PCLAF: variants seen among roughly 807,000 people sequenced by gnomAD.
PCLAF encodes the protein PCNA-associated factor.
A neutral mutation model predicts 15.1 loss-of-function variants in PCLAF; 12 were observed. That is an observed-to-expected ratio of 0.79 (90% confidence interval 0.51 to 1.29). The LOEUF (loss-of-function observed/expected upper bound fraction) is 1.29, where lower values mean the gene tolerates loss of function less well. PCLAF is among the 50% of genes most tolerant of loss of function. The pLI is 0.00. For missense variants in PCLAF, 116 were observed against 130.9 expected (o/e 0.89, Z 0.56); for synonymous variants, 33 against 47.1 (o/e 0.70, Z 1.22).
chr15:64,381,410 C>A lies in PCLAF; in HGVS notation c.-39G>T, dbSNP rs1194970834. On this transcript the variant is annotated 5_prime_UTR_variant, in exon 1 of 4. Coordinates refer to ENST00000300035, the MANE Select transcript of PCLAF (RefSeq NM_014736.6). ...GAGAGGAGAGGAGAGAACGAACTGA[C>A]TTCCCAGCCGAGGGTGTTTCACTGG... 1.9e-6 allele frequency: 3 copies of A among 1,614,098 alleles called. No homozygotes were observed. Among genetic ancestry groups the A allele is most frequent in the Admixed American group, 1.7e-5 (1 of 60,016 alleles).
At chr15:64,377,868 C>T (rs1181491920) in intron 2 of PCLAF, among the ~76,000 whole-genome samples, 1 of 147,612 alleles carries the variant, frequency 6.8e-6, no homozygotes, top group East Asian at 2.1e-4. Context: ...TCTCCTGCCT[C>T]AGCCTCCCGA....
chr15:64,375,124 A>T (rs1238621578), intron 3 of PCLAF, among the ~76,000 whole-genome samples: 2 of 151,510 alleles, frequency 1.3e-5, no homozygotes, highest in African/African-American at 2.4e-5. Context: ...TTTTATTTTT[A>T]TTTTACTTGA....
chr15:64,366,949 G>A (rs575106451), intron 3 of PCLAF, among the ~76,000 whole-genome samples: 30 of 151,822 alleles, frequency 2.0e-4, no homozygotes, highest in African/African-American at 3.9e-4. Context: ...CTCCAGCCTC[G>A]GGGACAGAGA....
At chr15:64,382,269 G>A (rs1899841881), upstream of PCLAF, among the ~76,000 whole-genome samples, 1 of 151,988 alleles carries the variant, frequency 6.6e-6, no homozygotes, top group Admixed American at 6.6e-5. Context: ...GCATGTTCCT[G>A]TAATCCCAAC....
upstream of PCLAF, among the ~76,000 whole-genome samples, chr15:64,386,082 C>G (rs1354483422): frequency 6.6e-6 from 1 of 152,102 alleles, no homozygotes; most frequent in Non-Finnish European, 1.5e-5. Context: ...TTGGTTCTGT[C>G]TCTGGAGAAC....
upstream of PCLAF, among the ~76,000 whole-genome samples, chr15:64,385,214 C>T (rs12442852): frequency 0.74 from 112,449 of 152,032 alleles, 45,239 homozygotes; most frequent in East Asian, 0.95. Flanking sequence ...GGAGGACGTA[C>T]TTATCATAAC....
intron 3 of PCLAF, among the ~76,000 whole-genome samples, chr15:64,376,292 C>CT (rs1306095021): frequency 4.6e-5 from 7 of 152,026 alleles, no homozygotes; most frequent in African/African-American, 1.4e-4. Flanking sequence ...TTTTTAAAAA[C>CT]TTTTTTTGCA....
chr15:64,380,849 G>A, intron 2 of PCLAF, 109 bp downstream of exon 2: 2 of 893,852 alleles, frequency 2.2e-6, no homozygotes. Flanking sequence ...ATATCACAGG[G>A]CAAGGAAGAA....
chr15:64,367,512 C>A (rs1361945126), intron 3 of PCLAF, among the ~76,000 whole-genome samples: 4 of 19,052 alleles, frequency 2.1e-4, no homozygotes, highest in African/African-American at 2.8e-4. Context: ...TCAAAAAAAC[C>A]CAAAAAAAAA....
At chr15:64,369,821 T>A (rs907718877) in intron 3 of PCLAF, among the ~76,000 whole-genome samples, 8 of 152,212 alleles carry the variant, frequency 5.3e-5, no homozygotes, top group African/African-American at 1.9e-4. Flanking sequence ...TTGTGTTCAA[T>A]GAAAATCCAT....
At chr15:64,374,795 A>T (rs1899531829) in intron 3 of PCLAF, among the ~76,000 whole-genome samples, 2 of 151,272 alleles carry the variant, frequency 1.3e-5, no homozygotes, top group Non-Finnish European at 2.9e-5. Context: ...GAAGTGAGCG[A>T]ACATTGGGCC....
chr15:64,377,617 C>T (rs1231348822), intron 2 of PCLAF, among the ~76,000 whole-genome samples: 1 of 139,386 alleles, frequency 7.2e-6, no homozygotes, highest in African/African-American at 2.7e-5. Flanking sequence ...AAAGTGCCAA[C>T]ATTTTACTTA....
At chr15:64,375,925 A>G (rs1899588410) in intron 3 of PCLAF, among the ~76,000 whole-genome samples, 1 of 152,222 alleles carries the variant, frequency 6.6e-6, no homozygotes, top group South Asian at 2.1e-4. Flanking sequence ...AATACTTTTT[A>G]CTAATGTTTG....
chr15:64,383,261 T>C (rs948974486), upstream of PCLAF, among the ~76,000 whole-genome samples: 3 of 152,164 alleles, frequency 2.0e-5, no homozygotes, highest in African/African-American at 7.2e-5. Flanking sequence ...TTAACCTTGG[T>C]ATCTAAGGTT....
chr15:64,366,118 A>G, intron 3 of PCLAF, 43 bp from the exon 4 acceptor site: 1 of 1,502,932 alleles, frequency 6.7e-7, no homozygotes, highest in Non-Finnish European at 9.2e-7. Flanking sequence ...CCAAGTATCA[A>G]CTGTTTGAAA....
chr15:64,379,404 C>T (rs1267327294), intron 2 of PCLAF, among the ~76,000 whole-genome samples: 3 of 151,832 alleles, frequency 2.0e-5, no homozygotes, highest in African/African-American at 7.3e-5. Context: ...ATCATTTGAA[C>T]CCTGGGGTCA....
At chr15:64,373,810 T>C (rs1240224279) in intron 3 of PCLAF, 2 of 1,527,096 alleles carry the variant, frequency 1.3e-6, no homozygotes, top group Admixed American at 2.0e-5. Flanking sequence ...TCAAGGGGCA[T>C]CATAATGGCA....
Position 64,376,735 on chromosome 15 carries a change from A to C in PCLAF, c.290+8T>G. The C allele has an allele frequency of 1.2e-6, 2 of 1,606,456 alleles. No homozygotes were observed. Among genetic ancestry groups the C allele is most frequent in the Non-Finnish European group, 1.7e-6 (2 of 1,175,842 alleles). ...ATTTTCTTTATATTCCAGAATATAA[A>C]AACTTACTTTCTCTTTGCTTTTCCT... On this transcript the variant is annotated splice_region_variant and intron_variant, in intron 3 of 3. Transcript: ENST00000300035.
intron 3 of PCLAF, among the ~76,000 whole-genome samples, chr15:64,372,182 A>G (rs1240233879): frequency 6.6e-6 from 1 of 152,234 alleles, no homozygotes; most frequent in African/African-American, 2.4e-5. Flanking sequence ...TAAATCTGGC[A>G]TTCTTGTTGA....
Sources: allele counts gnomAD v4.1 joint callset (sites outside exome capture counted in the v4.1 genomes callset), GRCh38; gene constraint gnomAD v4.1.1; transcripts MANE v1.5; gene names NCBI Gene and HGNC (gene_info 2026-07-23, HGNC 2026-07-21).